Variants in MAST4 observed in about 807,000 individuals in gnomAD.
MAST4 encodes microtubule-associated serine/threonine-protein kinase 4.
A neutral mutation model predicts 162.7 loss-of-function variants in MAST4; 89 were observed. The ratio of observed to expected loss-of-function variants is 0.55; its 90% confidence interval spans 0.46 to 0.65. The LOEUF is 0.65. Ranked by LOEUF, MAST4 falls within the 30% of genes least tolerant of loss-of-function variation. MAST4 has a pLI of 0.00. For synonymous variants in MAST4, 1,479 were observed against 1,361.1 expected (o/e 1.09, Z -1.91); for missense variants, 3,153 against 3,374.0 (o/e 0.93, Z 1.62).
intron 3 of MAST4, among the ~76,000 whole-genome samples, chr5:66,814,559 C>A (rs745730709): frequency 6.6e-6 from 1 of 152,154 alleles, no homozygotes; most frequent in Non-Finnish European, 1.5e-5. Flanking sequence ...ATCTTCATCT[C>A]CAGAGACAAG....
intron 1 of MAST4, among the ~76,000 whole-genome samples, chr5:66,671,706 C>T (rs1370101828): frequency 1.3e-5 from 2 of 152,166 alleles, no homozygotes; most frequent in African/African-American, 4.8e-5. Context: ...TCTATAACAT[C>T]CATGACTGGG....
chr5:66,952,563 C>T (rs1419559851), intron 4 of MAST4, among the ~76,000 whole-genome samples: 1 of 152,220 alleles, frequency 6.6e-6, no homozygotes, highest in South Asian at 2.1e-4. Context: ...CTCCCTGCTT[C>T]GCCAAATGAT....
At chr5:66,829,912 G>A (rs1178020326) in intron 3 of MAST4, among the ~76,000 whole-genome samples, 1 of 152,100 alleles carries the variant, frequency 6.6e-6, no homozygotes, top group African/African-American at 2.4e-5. Flanking sequence ...TAGAGAAGTT[G>A]GGGTTACATA....
intron 1 of MAST4, among the ~76,000 whole-genome samples, chr5:66,600,002 G>C (rs1208583570): frequency 6.6e-6 from 1 of 151,994 alleles, no homozygotes; most frequent in Non-Finnish European, 1.5e-5. Flanking sequence ...TAGTATATTA[G>C]GGCAGTGCTA....
intron 1 of MAST4, among the ~76,000 whole-genome samples, chr5:66,610,952 C>T (rs1452363181): frequency 6.6e-6 from 1 of 152,226 alleles, no homozygotes; most frequent in Non-Finnish European, 1.5e-5. Flanking sequence ...TGCTTTTCAG[C>T]TCATTTCTAA....
intron 5 of MAST4, among the ~76,000 whole-genome samples, chr5:67,061,399 T>A (rs755514296): frequency 6.6e-6 from 1 of 152,222 alleles, no homozygotes; most frequent in Non-Finnish European, 1.5e-5. Flanking sequence ...TTGGTCCCTC[T>A]CTTTTGTTTA....
chr5:67,032,939 A>G (rs889892745), intron 4 of MAST4, among the ~76,000 whole-genome samples: 3 of 152,152 alleles, frequency 2.0e-5, no homozygotes, highest in Non-Finnish European at 2.9e-5. Flanking sequence ...TACCATATTT[A>G]TATGTATACA....
At position 66,871,199 on chromosome 5, in the gene MAST4, A is replaced by T. The variant is rs543838935; in HGVS notation, c.643-28752A>T. 3.9e-5 allele frequency among the ~76,000 whole-genome samples: 6 copies of T among 152,312 alleles called. No individual in the cohort carries two copies. In the South Asian group the frequency reaches 1.2e-3, roughly 32 times the overall value. On this transcript the variant is annotated intron_variant, in intron 3 of 28. Transcript: ENST00000403625. ...CAGTGGAACACTGTTATATAGTTGT[A>T]TTATGTAGTTTTTCCACCGTATAAA...
intron 3 of MAST4, among the ~76,000 whole-genome samples, chr5:66,832,042 T>C (rs993857047): frequency 1.3e-5 from 2 of 152,160 alleles, no homozygotes; most frequent in South Asian, 2.1e-4. Flanking sequence ...ATCCCTAATG[T>C]GATAGATCCT....
At chr5:67,016,901 T>C (rs1320276540) in intron 4 of MAST4, among the ~76,000 whole-genome samples, 2 of 152,198 alleles carry the variant, frequency 1.3e-5, no homozygotes, top group African/African-American at 4.8e-5. Flanking sequence ...GGACAAAAAT[T>C]CTTTCTGATT....
intron 1 of MAST4, among the ~76,000 whole-genome samples, chr5:66,749,586 G>A (rs1441470834): frequency 2.6e-5 from 4 of 152,192 alleles, no homozygotes; most frequent in East Asian, 3.8e-4. Flanking sequence ...CCTAGACAAC[G>A]AAGTGACTTA....
At chr5:66,677,842 A>C (rs181921463) in intron 1 of MAST4, among the ~76,000 whole-genome samples, 45 of 152,224 alleles carry the variant, frequency 3.0e-4, no homozygotes, top group African/African-American at 1.0e-3. Context: ...GGAAAGCGTG[A>C]ACTTTAGGGC....
chr5:66,819,130 C>T (rs1187735441), intron 3 of MAST4, among the ~76,000 whole-genome samples: 1 of 152,108 alleles, frequency 6.6e-6, no homozygotes, highest in Non-Finnish European at 1.5e-5. Context: ...GTGGCAGCCT[C>T]ATTTCTATTT....
chr5:66,979,464 A>G (rs1447300669), intron 4 of MAST4, among the ~76,000 whole-genome samples: 1 of 152,164 alleles, frequency 6.6e-6, no homozygotes, highest in African/African-American at 2.4e-5. Flanking sequence ...ACTAGGGAGT[A>G]AGCCTGGTGT....
intron 1 of MAST4, among the ~76,000 whole-genome samples, chr5:66,655,852 G>T (rs1034842091): frequency 6.6e-6 from 1 of 152,138 alleles, no homozygotes; most frequent in Non-Finnish European, 1.5e-5. Flanking sequence ...TGTTGTGAGG[G>T]CACAAAATGG....
At chr5:66,996,227 C>G (rs1404684811) in intron 4 of MAST4, among the ~76,000 whole-genome samples, 1 of 151,994 alleles carries the variant, frequency 6.6e-6, no homozygotes, top group Non-Finnish European at 1.5e-5. Flanking sequence ...TGCAGTGAGT[C>G]GAGATCGTGC....
rs565241880 is a variant in MAST4 at position 66,720,031 on chromosome 5, C to T, written c.364-39678C>T. Among the ~76,000 whole-genome samples, 5 of 152,270 alleles carry T rather than the reference C, an allele frequency of 3.3e-5. No homozygotes were observed. The East Asian group carries it at 9.6e-4, about 29-fold the overall frequency. ...AATAGTAATACCATTAATACTGCAGCTAATGCTTATTAAGCACTTTACGTA... is the reference window on the plus strand; with the variant it reads ...AATAGTAATACCATTAATACTGCAGTTAATGCTTATTAAGCACTTTACGTA... On this transcript the variant is annotated intron_variant, in intron 1 of 28. Coordinates refer to ENST00000403625, the MANE Select transcript of MAST4 (RefSeq NM_001164664.2).
chr5:67,107,575 T>A (rs578186610), intron 10 of MAST4, among the ~76,000 whole-genome samples: 1 of 152,232 alleles, frequency 6.6e-6, no homozygotes, highest in Non-Finnish European at 1.5e-5. Context: ...CTGCCCTTTT[T>A]AGATAGAGCC....
intron 3 of MAST4, among the ~76,000 whole-genome samples, chr5:66,837,873 T>C (rs1423148023): frequency 2.1e-5 from 1 of 48,210 alleles, no homozygotes; most frequent in Non-Finnish European, 3.6e-5. Flanking sequence ...TTTATATATA[T>C]ATATATATAT....
Sources: gnomAD v4.1 joint callset for allele counts (sites outside exome capture counted in the v4.1 genomes callset) on GRCh38, gnomAD v4.1.1 for gene constraint, MANE v1.5 for transcripts, NCBI Gene and HGNC (gene_info 2026-07-23, HGNC 2026-07-21) for gene names.